The following CNOT6 variants were observed in gnomAD, a reference collection of about 807,000 sequenced individuals.
CNOT6 encodes the protein carbon catabolite repression 4 protein.
A neutral mutation model predicts 61.2 loss-of-function variants in CNOT6; 12 were observed. The observed-to-expected ratio is 0.20, with a 90% CI of 0.13 to 0.32. The LOEUF is 0.32. CNOT6 is among the 10% of genes least tolerant of loss of function. The pLI is 1.00. For missense variants in CNOT6, 405 were observed against 663.9 expected (o/e 0.61, Z 4.28); for synonymous variants, 225 against 240.6 (o/e 0.94, Z 0.60).
chr5:180,567,786 A>C lies in CNOT6; in HGVS notation c.873-63A>C. ...GAAGTTTGGGAAAACTGCGTTTCCC[A>C]CAAAGCTAACCTCTTGGTATTCCCA... On this transcript the variant is annotated intron_variant, in intron 8 of 11. Coordinates refer to ENST00000261951, the MANE Select transcript of CNOT6 (RefSeq NM_001370472.1). 8 of 1,611,964 alleles carry C rather than the reference A, an allele frequency of 5.0e-6. No homozygotes were observed. In the South Asian group the frequency reaches 6.6e-5, roughly 13 times the overall value.
chr5:180,512,731 G>T (rs1757449406), intron 1 of CNOT6, among the ~76,000 whole-genome samples: 1 of 152,024 alleles, frequency 6.6e-6, no homozygotes, highest in Non-Finnish European at 1.5e-5. Context: ...CGAGTAGCTG[G>T]GATTACAGGC....
chr5:180,556,758 C>G (rs1245969888), intron 4 of CNOT6, among the ~76,000 whole-genome samples: 1 of 152,168 alleles, frequency 6.6e-6, no homozygotes, highest in African/African-American at 2.4e-5. Context: ...CGAGACCATC[C>G]TGGCTAACAT....
intron 7 of CNOT6, 46 bp from the exon 8 acceptor site, chr5:180,567,042 C>T (rs1372246960): frequency 3.2e-6 from 5 of 1,540,326 alleles, no homozygotes; most frequent in Non-Finnish European, 4.4e-6. Flanking sequence ...AATATGCAGA[C>T]TAATTTTTGT....
At chr5:180,519,298 G>T (rs551747393) in intron 1 of CNOT6, among the ~76,000 whole-genome samples, 1 of 152,220 alleles carries the variant, frequency 6.6e-6, no homozygotes, top group Non-Finnish European at 1.5e-5. Context: ...GGTTATCTGG[G>T]ACACTGCCAT....
In CNOT6 at chr5:180,567,864, G is replaced by A. The variant is rs1760542617; in HGVS notation, c.888G>A (p.Gln296=). The part of the protein sequence containing the change: ...FFKTEKFTLV[Q]KHTVEFNQLA... The stretch of plus-strand genomic sequence containing the variant: ...TTTGTTTTAGATTTACTTTGGTTCA[G>A]AAACACACTGTTGAATTTAATCAGC... The change falls in exon 9 of 12, where the codon CAG becomes CAA. Residue 296 remains glutamine, a synonymous_variant. Transcript: ENST00000261951. 1 of 1,613,972 alleles carries A rather than the reference G, an allele frequency of 6.2e-7. No homozygotes were observed. The highest frequency in any genetic ancestry group is 1.7e-5 in the Admixed American group (1 of 59,988).
At chr5:180,547,257 C>T (rs1419865796) in intron 2 of CNOT6, among the ~76,000 whole-genome samples, 4 of 152,018 alleles carry the variant, frequency 2.6e-5, no homozygotes, top group South Asian at 2.1e-4. Flanking sequence ...CTGTGCCTCA[C>T]GCCTGTATTC....
chr5:180,505,540 C>G (rs1329220891), intron 1 of CNOT6, among the ~76,000 whole-genome samples: 2 of 128,302 alleles, frequency 1.6e-5, no homozygotes, highest in African/African-American at 3.0e-5. Context: ...ACAGGTGGTA[C>G]TAGTTAATTT....
At chr5:180,564,440 A>C in intron 4 of CNOT6, 49 bp from the exon 5 acceptor site, 2 of 1,287,220 alleles carry the variant, frequency 1.6e-6, no homozygotes, top group Non-Finnish European at 2.2e-6. Flanking sequence ...AAAATTTTGA[A>C]ACATTTTATT....
intron 2 of CNOT6, among the ~76,000 whole-genome samples, chr5:180,538,786 ATTACT>A (rs1758862942): frequency 6.6e-6 from 1 of 150,968 alleles, no homozygotes; most frequent in East Asian, 2.0e-4. Context: ...AGGTGGGAGC[ATTACT>A]TTACTTTAGC....
intron 3 of CNOT6, among the ~76,000 whole-genome samples, chr5:180,552,503 G>A (rs1225279953): frequency 9.9e-5 from 15 of 151,570 alleles, no homozygotes; most frequent in South Asian, 6.2e-4. Context: ...AAAATTAGCT[G>A]GGTGTGGTGG....
intron 1 of CNOT6, among the ~76,000 whole-genome samples, chr5:180,517,369 T>C (rs1470977320): frequency 1.3e-5 from 2 of 152,166 alleles, no homozygotes. Flanking sequence ...GCTCAAGCTA[T>C]CTGCTCACCT....
chr5:180,527,903 G>T (rs1758175837), intron 1 of CNOT6, among the ~76,000 whole-genome samples: 1 of 152,188 alleles, frequency 6.6e-6, no homozygotes, highest in Admixed American at 6.5e-5. Context: ...AAACCCTCTT[G>T]TGAACTGCGC....
At chr5:180,501,292 C>T (rs1581461425) in intron 1 of CNOT6, among the ~76,000 whole-genome samples, 1 of 152,126 alleles carries the variant, frequency 6.6e-6, no homozygotes, top group South Asian at 2.1e-4. Context: ...TAGGGACAGA[C>T]TAGCCATGAG....
chr5:180,550,426 G>T (rs996462246), intron 3 of CNOT6, among the ~76,000 whole-genome samples: 1 of 152,068 alleles, frequency 6.6e-6, no homozygotes, highest in East Asian at 1.9e-4. Flanking sequence ...CTCCAGCCTG[G>T]GTGACAGAGC....
rs72816959 is a variant in CNOT6, at chr5:180,574,389, G to A, written c.*189G>A. On this transcript the variant is annotated 3_prime_UTR_variant, in exon 12 of 12. Coordinates refer to ENST00000261951, the MANE Select transcript of CNOT6 (RefSeq NM_001370472.1). ...AACAGACAAATTCTGAGCCCAATAT[G>A]CTTTATACTGCTAGACAGGGATTGG... The A allele has an allele frequency of 0.023, 13,576 of 602,448 alleles. 214 individuals carry two copies. Among genetic ancestry groups the A allele is most frequent in the Non-Finnish European group, 0.028 (9,515 of 338,280 alleles). The allele number at this position is 602,448 out of a possible 1,614,324, so 37.3% of individuals were successfully genotyped here. A position where few individuals can be genotyped will look rare whatever the true frequency, so the allele number is the denominator to read the frequency against.
intron 1 of CNOT6, among the ~76,000 whole-genome samples, chr5:180,499,079 C>T (rs941525030): frequency 1.3e-5 from 2 of 152,200 alleles, no homozygotes; most frequent in Non-Finnish European, 2.9e-5. Context: ...GCGTGAGCCA[C>T]CATGCCTGGC....
intron 2 of CNOT6, among the ~76,000 whole-genome samples, chr5:180,546,105 A>G (rs559854951): frequency 6.6e-6 from 1 of 152,180 alleles, no homozygotes; most frequent in African/African-American, 2.4e-5. Flanking sequence ...CATGTTGGCC[A>G]GGATGGTCTC....
chr5:180,507,608 C>CAAAAAAAG, intron 1 of CNOT6, among the ~76,000 whole-genome samples: 1 of 138,448 alleles, frequency 7.2e-6, no homozygotes, highest in East Asian at 2.0e-4. Flanking sequence ...GTTTTAAAAA[C>CAAAAAAAG]AAAAAAAGAT....
chr5:180,530,954 C>T (rs372068656), intron 2 of CNOT6, among the ~76,000 whole-genome samples: 1 of 152,180 alleles, frequency 6.6e-6, no homozygotes, highest in African/African-American at 2.4e-5. Flanking sequence ...TGGAGTCTCC[C>T]ATGTCTACTT....
Sources: allele counts gnomAD v4.1 joint callset (sites outside exome capture counted in the v4.1 genomes callset), GRCh38; gene constraint gnomAD v4.1.1; transcripts MANE v1.5; gene names NCBI Gene and HGNC (gene_info 2026-07-23, HGNC 2026-07-21).